The following GOLGA1 variants were observed in gnomAD, a reference collection of about 807,000 sequenced individuals.
The protein encoded by GOLGA1 is golgin subfamily A member 1.
A neutral mutation model predicts 119.7 loss-of-function variants in GOLGA1; 63 were observed. The observed-to-expected ratio is 0.53, with a 90% CI of 0.43 to 0.65. The LOEUF is 0.65. GOLGA1 is among the 30% of genes least tolerant of loss of function. The pLI, the probability that GOLGA1 is intolerant of heterozygous loss-of-function variation, is 0.00. For synonymous variants in GOLGA1, 318 were observed against 333.4 expected, an observed-to-expected ratio of 0.95 and a Z score of 0.50; for missense variants, 798 against 912.8, an observed-to-expected ratio of 0.87 and a Z score of 1.62.
chr9:124,924,050 T>G (rs1830623697), intron 7 of GOLGA1, among the ~76,000 whole-genome samples: 1 of 152,082 alleles, frequency 6.6e-6, no homozygotes, highest in South Asian at 2.1e-4. Context: ...GAGATGAGGT[T>G]TCACCATGTT....
intron 13 of GOLGA1, 90 bp downstream of exon 13, chr9:124,900,362 C>T: frequency 1.4e-6 from 1 of 726,404 alleles, no homozygotes; most frequent in Non-Finnish European, 2.5e-6. Flanking sequence ...GGTACCGTTG[C>T]CGAAGTTCGG....
intron 15 of GOLGA1, among the ~76,000 whole-genome samples, chr9:124,894,311 C>A (rs747440101): frequency 2.0e-5 from 3 of 152,160 alleles, no homozygotes; most frequent in Non-Finnish European, 2.9e-5. Flanking sequence ...TATCTGCACT[C>A]ATTGATAGCC....
chr9:124,895,624 G>A (rs112477965), intron 15 of GOLGA1, among the ~76,000 whole-genome samples: 2 of 126,994 alleles, frequency 1.6e-5, no homozygotes, highest in Non-Finnish European at 3.2e-5. Context: ...TCCACGACAG[G>A]GAGCCTCCAC....
At chr9:124,905,855 T>C (rs1830215564) in intron 12 of GOLGA1, among the ~76,000 whole-genome samples, 1 of 152,120 alleles carries the variant, frequency 6.6e-6, no homozygotes, top group South Asian at 2.1e-4. Context: ...TCGGGTGTGG[T>C]GGCTCGTGCC....
chr9:124,882,066 GC>G, intron 20 of GOLGA1, 112 bp from the exon 21 acceptor site: 1 of 749,406 alleles, frequency 1.3e-6, no homozygotes, highest in Non-Finnish European at 2.2e-6. Flanking sequence ...GGCAAAAAGG[GC>G]CCCACCTGGG....
At chr9:124,898,039 A>G (rs2131403031) in intron 15 of GOLGA1, among the ~76,000 whole-genome samples, 2 of 152,356 alleles carry the variant, frequency 1.3e-5, no homozygotes, top group South Asian at 4.1e-4. Flanking sequence ...TCCTCTGATT[A>G]AAGCTCCAAG....
Position 124,938,879 on chromosome 9 carries a change from TGAAA to T in GOLGA1, c.-155-17_-155-14del. On this transcript the variant is annotated splice_polypyrimidine_tract_variant and intron_variant, in intron 2 of 22. Transcript: ENST00000373555. ...GGCAACACAGGATCTACAAATCAGA[TGAAA>T]GAGACAGTTCAAAAGTTAAACATTG... is the stretch of plus-strand genomic sequence containing the variant. 2.0e-6 allele frequency: 1 copy of T among 503,820 alleles called. No individual in the cohort carries two copies. Among genetic ancestry groups the T allele is most frequent in the Non-Finnish European group, 3.5e-6 (1 of 289,164 alleles). The allele number at this position is 503,820 out of a possible 1,614,324, so 31.2% of individuals were successfully genotyped here.
upstream of GOLGA1, chr9:124,942,593 A>G (rs561513731): frequency 6.6e-6 from 1 of 152,336 alleles, no homozygotes; most frequent in East Asian, 1.9e-4. Flanking sequence ...TCAATACCGA[A>G]AAAGTACCAA....
At chr9:124,914,636 A>G (rs1230422807) in intron 10 of GOLGA1, among the ~76,000 whole-genome samples, 1 of 152,266 alleles carries the variant, frequency 6.6e-6, no homozygotes, top group Non-Finnish European at 1.5e-5. Flanking sequence ...GGGTCAAGGG[A>G]ACGCTGCAAG....
chr9:124,888,292 C>T lies in GOLGA1; in HGVS notation c.1866G>A (p.Glu622=). 1 of 1,614,160 alleles carries T rather than the reference C, an allele frequency of 6.2e-7. No individual in the cohort carries two copies. The highest frequency in any genetic ancestry group is 8.5e-7 in the Non-Finnish European group (1 of 1,179,986). ...GAMDLTQLQK[E]KQDLEQQLLE... The stretch of plus-strand genomic sequence containing the variant: ...GAAGTTGCTGCTCCAAGTCCTGTTT[C>T]TCCTTCTGTAGCTGTGTGAGATCCA... Residue 622 remains glutamate (E), a synonymous_variant, in exon 19 of 23, where the codon GAG becomes GAA. Transcript: ENST00000373555. This position sits in a 1 kb window ranked among gnomAD's most constrained non-coding sequence, Gnocchi z 4.4.
intron 8 of GOLGA1, among the ~76,000 whole-genome samples, chr9:124,922,761 G>A (rs1046113476): frequency 6.6e-6 from 1 of 151,292 alleles, no homozygotes; most frequent in African/African-American, 2.4e-5. Context: ...GGGCAACACC[G>A]TGAGACTCCA....
chr9:124,918,266 A>G (rs887894714), intron 10 of GOLGA1, among the ~76,000 whole-genome samples: 16 of 152,204 alleles, frequency 1.1e-4, no homozygotes, highest in Admixed American at 1.3e-4. Flanking sequence ...CTTCCCTTCT[A>G]GACTATAAGC....
At chr9:124,883,530 C>A (rs1313661756) in intron 19 of GOLGA1, among the ~76,000 whole-genome samples, 1 of 152,178 alleles carries the variant, frequency 6.6e-6, no homozygotes, top group Non-Finnish European at 1.5e-5. Flanking sequence ...TCACTGTAAC[C>A]TCTGCCTTCT....
At chr9:124,883,355 G>A (rs565921487) in intron 19 of GOLGA1, among the ~76,000 whole-genome samples, 8 of 143,670 alleles carry the variant, frequency 5.6e-5, no homozygotes, top group South Asian at 2.2e-4. Flanking sequence ...GTGCAATCTC[G>A]GCTCACTGCA....
chr9:124,938,548 A>T lies in GOLGA1; in HGVS notation c.135+29T>A, dbSNP rs757776308. ...TATTGGAAGAATACCCTGCAAAAGT[A>T]TCTTTATTTCTTAAGTAAAGGTACT... On this transcript the variant is annotated intron_variant, in intron 3 of 22. Transcript: ENST00000373555. 5 of 1,571,876 alleles carry T rather than the reference A, an allele frequency of 3.2e-6. No individual in the cohort carries two copies. The East Asian group carries it at 9.0e-5, about 28-fold the overall frequency.
intron 3 of GOLGA1, among the ~76,000 whole-genome samples, chr9:124,935,498 A>G (rs1830846380): frequency 6.6e-6 from 1 of 152,178 alleles, no homozygotes; most frequent in African/African-American, 2.4e-5. Flanking sequence ...AAGATGGAGT[A>G]GGGAGGCAAG....
At chr9:124,947,746 A>C (rs1013157793) in intron 1 of GOLGA1, 9 of 152,222 alleles carry the variant, frequency 5.9e-5, no homozygotes, top group Non-Finnish European at 1.3e-4. Context: ...AAGGTCAACA[A>C]AAGAGCCCTC....
intron 5 of GOLGA1, among the ~76,000 whole-genome samples, chr9:124,928,683 C>G (rs1046901874): frequency 6.6e-6 from 1 of 152,114 alleles, no homozygotes; most frequent in Non-Finnish European, 1.5e-5. Context: ...AAACAAAAAA[C>G]CTTTCTTTTA....
At position 124,912,004 on chromosome 9, in the gene GOLGA1, T is replaced by C; in HGVS notation, c.866A>G (p.Lys289Arg). 1 of 1,613,548 alleles carries C rather than the reference T, an allele frequency of 6.2e-7. No homozygotes were observed. The highest frequency in any genetic ancestry group is 8.5e-7 in the Non-Finnish European group (1 of 1,179,542). Residue 289 changes from lysine to arginine, a missense_variant, in exon 11 of 23, where the codon AAA becomes AGA. Lys to Arg is a conservative substitution (Grantham distance 26). Coordinates refer to ENST00000373555, the MANE Select transcript of GOLGA1 (RefSeq NM_002077.4). ...LQKVTAETQE[K>R]EDVITHLQEK... ...TTGCAAATGTGTGATAACGTCTTCT[T>C]TCTCTTGAGTTTCAGCAGTGACCTG...
Sources: gnomAD v4.1 joint callset for allele counts (sites outside exome capture counted in the v4.1 genomes callset) on GRCh38, gnomAD v4.1.1 for gene constraint, Gnocchi (gnomAD v3.1) non-coding constraint, MANE v1.5 for transcripts, NCBI Gene and HGNC (gene_info 2026-07-23, HGNC 2026-07-21) for gene names.